Variants in NTRK2 observed in about 807,000 individuals in gnomAD.
NTRK2 encodes the protein neurotrophic receptor tyrosine kinase 2, also known as BDNF/NT-3 growth factors receptor.
In NTRK2, 13 loss-of-function variants were observed where a neutral mutation model predicts 94.5. The ratio of observed to expected loss-of-function variants is 0.14; its 90% confidence interval spans 0.09 to 0.22. The LOEUF (loss-of-function observed/expected upper bound fraction) is 0.22, where lower values mean the gene tolerates loss of function less well. NTRK2 is among the 10% of genes least tolerant of loss of function. The pLI, the probability that NTRK2 is intolerant of heterozygous loss-of-function variation, is 1.00. For missense variants in NTRK2, 639 were observed against 1,071.2 expected (o/e 0.60, Z 5.63); for synonymous variants, 372 against 407.4 (o/e 0.91, Z 1.05).
chr9:84,779,707 CTGA>C (rs1371810065), intron 12 of NTRK2, among the ~76,000 whole-genome samples: 2 of 152,134 alleles, frequency 1.3e-5, no homozygotes, highest in East Asian at 1.9e-4. Context: ...TAGCTGTGTG[CTGA>C]TGATATTGTT....
intron 12 of NTRK2, among the ~76,000 whole-genome samples, chr9:84,807,346 C>T (rs1388919136): frequency 6.6e-6 from 1 of 152,182 alleles, no homozygotes; most frequent in Admixed American, 6.5e-5. Context: ...ATGAGTAGAT[C>T]CTAAATCAGC....
At chr9:84,715,717 T>C (rs774684686) in intron 6 of NTRK2, among the ~76,000 whole-genome samples, 2 of 152,136 alleles carry the variant, frequency 1.3e-5, no homozygotes, top group Non-Finnish European at 2.9e-5. Flanking sequence ...TCATCTCGTA[T>C]AAAAAATCTC....
chr9:84,912,838 G>A (rs539462394), intron 14 of NTRK2, among the ~76,000 whole-genome samples: 16 of 151,870 alleles, frequency 1.1e-4, no homozygotes, highest in Admixed American at 6.6e-4. Context: ...GGATGGTCTC[G>A]ATCTCCTGAC....
intron 12 of NTRK2, among the ~76,000 whole-genome samples, chr9:84,828,489 C>A (rs1587547192): frequency 1.3e-5 from 2 of 152,144 alleles, no homozygotes; most frequent in African/African-American, 4.8e-5. Flanking sequence ...GAGAACAAGA[C>A]AAACCTCCTA....
At chr9:84,991,384 C>A (rs1438614528) in intron 17 of NTRK2, among the ~76,000 whole-genome samples, 2 of 152,198 alleles carry the variant, frequency 1.3e-5, no homozygotes, top group African/African-American at 4.8e-5. Context: ...ATTAGTTATG[C>A]AGATGAAGTC....
chr9:84,976,964 TATACAC>T (rs1237832388), intron 17 of NTRK2, among the ~76,000 whole-genome samples: 3 of 152,254 alleles, frequency 2.0e-5, no homozygotes, highest in Non-Finnish European at 4.4e-5. Flanking sequence ...TAGACATAGA[TATACAC>T]ATACACATAC....
At chr9:84,950,469 T>C (rs953823101) in intron 16 of NTRK2, among the ~76,000 whole-genome samples, 2 of 152,218 alleles carry the variant, frequency 1.3e-5, no homozygotes, top group African/African-American at 4.8e-5. Flanking sequence ...CAGGTTCTCC[T>C]TCCTATTCTG....
intron 12 of NTRK2, among the ~76,000 whole-genome samples, chr9:84,827,724 T>A (rs1329745099): frequency 6.6e-6 from 1 of 151,910 alleles, no homozygotes; most frequent in East Asian, 1.9e-4. Flanking sequence ...CCTGACTTCA[T>A]TGCAAGCTGC....
chr9:84,950,019 G>C (rs913751239), intron 16 of NTRK2, among the ~76,000 whole-genome samples: 1 of 152,242 alleles, frequency 6.6e-6, no homozygotes, highest in African/African-American at 2.4e-5. Context: ...CTGAAGTTGA[G>C]TCTCAGTCCA....
chr9:84,669,402 G>A (rs772343840), upstream of NTRK2: 5 of 152,672 alleles, frequency 3.3e-5, no homozygotes, highest in South Asian at 4.1e-4. This position sits in a 1 kb window ranked among gnomAD's most constrained non-coding sequence, Gnocchi z 4.1. Context: ...GGCGTCGAAC[G>A]GAGGAACGGT....
intron 14 of NTRK2, among the ~76,000 whole-genome samples, chr9:84,889,378 G>A (rs2076529879): frequency 6.6e-6 from 1 of 152,100 alleles, no homozygotes; most frequent in Non-Finnish European, 1.5e-5. Context: ...ATACTTTTAA[G>A]TAAGACTCAA....
rs200607445 is a variant in NTRK2, at chr9:84,727,916, A to G, written c.1116A>G (p.Lys372=). The G allele has an allele frequency of 6.2e-7, 1 of 1,614,186 alleles. No homozygotes were observed. The highest frequency in any genetic ancestry group is 8.5e-7 in the Non-Finnish European group (1 of 1,180,036). Residue 372 remains lysine, a synonymous_variant, in exon 9 of 19, where the codon AAA becomes AAG. Coordinates refer to ENST00000277120, the MANE Select transcript of NTRK2 (RefSeq NM_006180.6). ...AGAATGAGTATGGGAAGGATGAGAAACAGATTTCTGCTCACTTCATGGGCT... is the reference window on the plus strand; with the variant it reads ...AGAATGAGTATGGGAAGGATGAGAAGCAGATTTCTGCTCACTTCATGGGCT... ...IAKNEYGKDE[K]QISAHFMGWP...
intron 17 of NTRK2, among the ~76,000 whole-genome samples, chr9:85,019,500 G>A (rs1171756701): frequency 2.0e-5 from 3 of 152,122 alleles, no homozygotes; most frequent in African/African-American, 4.8e-5. Context: ...GTACTAATGC[G>A]ATTGCTATCT....
intron 14 of NTRK2, among the ~76,000 whole-genome samples, chr9:84,879,389 T>TA (rs2076188626): frequency 6.6e-6 from 1 of 152,242 alleles, no homozygotes; most frequent in African/African-American, 2.4e-5. Flanking sequence ...AAGCTGAAGA[T>TA]ACAGTATTTG....
rs117210460 is a variant in NTRK2 at position 85,022,577 on chromosome 9, C to T, written c.*1140C>T. The T allele has an allele frequency of 2.1e-5, 5 of 233,232 alleles. No individual in the cohort carries two copies. Among genetic ancestry groups the T allele is most frequent in the East Asian group, 1.2e-4 (2 of 16,584 alleles). The allele number at this position is 233,232 out of a possible 1,614,324, so 14.4% of individuals were successfully genotyped here. On this transcript the variant is annotated 3_prime_UTR_variant, in exon 19 of 19. Coordinates refer to ENST00000277120, the MANE Select transcript of NTRK2 (RefSeq NM_006180.6). ...GAACTTTTCAGATCTCACTTCCCTCCGACCCCTAACTTCCATGCCCACCCG... is the reference window on the plus strand; with the variant it reads ...GAACTTTTCAGATCTCACTTCCCTCTGACCCCTAACTTCCATGCCCACCCG...
At chr9:84,750,219 T>C (rs1226722874) in intron 11 of NTRK2, among the ~76,000 whole-genome samples, 1 of 152,138 alleles carries the variant, frequency 6.6e-6, no homozygotes, top group South Asian at 2.1e-4. Flanking sequence ...TCCCCCTCGT[T>C]GTGACAACCC....
chr9:84,994,084 G>A (rs10512159), intron 17 of NTRK2, among the ~76,000 whole-genome samples: 16,731 of 152,004 alleles, frequency 0.11, 1,271 homozygotes, highest in Non-Finnish European at 0.17. Context: ...CCACTAAAGG[G>A]TTACTTCCAA....
intron 13 of NTRK2, among the ~76,000 whole-genome samples, chr9:84,863,703 T>A (rs1305134833): frequency 6.6e-6 from 1 of 152,228 alleles, no homozygotes; most frequent in Non-Finnish European, 1.5e-5. Flanking sequence ...GCTTAAACCC[T>A]GCAACCTTGC....
chr9:84,743,349 T>G (rs765057400), intron 10 of NTRK2, among the ~76,000 whole-genome samples: 4 of 152,332 alleles, frequency 2.6e-5, no homozygotes, highest in Non-Finnish European at 5.9e-5. Context: ...TTATATATAT[T>G]GATTGATATT....
Sources: allele counts gnomAD v4.1 joint callset (sites outside exome capture counted in the v4.1 genomes callset), GRCh38; gene constraint gnomAD v4.1.1; non-coding constraint Gnocchi (gnomAD v3.1); transcripts MANE v1.5; gene names NCBI Gene and HGNC (gene_info 2026-07-23, HGNC 2026-07-21).